Variants in PDE10A observed in about 807,000 individuals in gnomAD.
PDE10A encodes phosphodiesterase 10A.
Under a neutral mutation model 97.7 loss-of-function variants are expected in PDE10A, and 39 were observed. The ratio of observed to expected loss-of-function variants is 0.40; its 90% CI spans 0.31 to 0.52. The LOEUF (loss-of-function observed/expected upper bound fraction) is 0.52. Ranked by LOEUF, PDE10A falls within the 20% of genes least tolerant of loss-of-function variation. The probability of loss-of-function intolerance (pLI) is 0.56; values close to 1 mark genes in which losing one functional copy is unlikely to be tolerated. For missense variants in PDE10A, 731 were observed against 1,047.8 expected (o/e 0.70, Z 4.17); for synonymous variants, 371 against 376.8 (o/e 0.98, Z 0.18).
chr6:165,471,134 TCCTTTC>T (rs1778976150), intron 3 of PDE10A, among the ~76,000 whole-genome samples: 1 of 152,156 alleles, frequency 6.6e-6, no homozygotes, highest in Admixed American at 6.5e-5. Context: ...CTCTCAGTCT[TCCTTTC>T]CCTTAGAACT....
chr6:165,607,873 G>A (rs1196062972), intron 1 of PDE10A, among the ~76,000 whole-genome samples: 3 of 151,848 alleles, frequency 2.0e-5, no homozygotes, highest in Non-Finnish European at 2.9e-5. Flanking sequence ...TGAAATCCCC[G>A]ACAATGTCAA....
In PDE10A at chr6:165,824,493, G is replaced by A. The variant is rs1037186595; in HGVS notation, c.-615+163036C>T. Among the ~76,000 whole-genome samples the A allele has an allele frequency of 5.4e-4, 82 of 152,306 alleles. 4 individuals are homozygous for A. The highest frequency in any genetic ancestry group is 2.1e-4 in the South Asian group (1 of 4,822). On this transcript the variant is annotated intron_variant, in intron 1 of 19. Coordinates refer to the PDE10A transcript ENST00000366882. ...CATAACCTATGTTTACCTCACCATG[G>A]TCTTCTTTGTCCTGATCTTCTAATG...
intron 4 of PDE10A, among the ~76,000 whole-genome samples, chr6:165,449,669 G>A (rs1030177686): frequency 6.6e-6 from 1 of 152,116 alleles, no homozygotes; most frequent in Admixed American, 6.5e-5. Context: ...CAGGTGCCTA[G>A]CATATGGTTA....
At chr6:165,593,693 A>G (rs1171708235) in intron 1 of PDE10A, among the ~76,000 whole-genome samples, 1 of 152,234 alleles carries the variant, frequency 6.6e-6, no homozygotes, top group Non-Finnish European at 1.5e-5. Context: ...TAATAAAAAC[A>G]TTTTATTATA....
chr6:165,521,576 G>A (rs562550723), intron 2 of PDE10A, among the ~76,000 whole-genome samples: 1 of 152,310 alleles, frequency 6.6e-6, no homozygotes, highest in Admixed American at 6.5e-5. Context: ...ATTGCTGATA[G>A]GAGAAAGCTT....
chr6:165,930,919 C>T (rs1051215465), intron 1 of PDE10A, among the ~76,000 whole-genome samples: 2 of 152,200 alleles, frequency 1.3e-5, no homozygotes, highest in Non-Finnish European at 2.9e-5. Flanking sequence ...GGGAAGCCAC[C>T]GTGGTGCTGA....
intron 1 of PDE10A, among the ~76,000 whole-genome samples, chr6:165,600,050 C>T (rs564560140): frequency 1.3e-5 from 2 of 152,268 alleles, no homozygotes; most frequent in South Asian, 2.1e-4. Flanking sequence ...CATCACAGTC[C>T]GACCGGGGAA....
At chr6:165,684,611 C>A (rs7766437) in intron 1 of PDE10A, among the ~76,000 whole-genome samples, 132,559 of 152,236 alleles carry the variant, frequency 0.87, 57,930 homozygotes, top group South Asian at 0.93. Context: ...GCTGCCTCTC[C>A]CCTTACTGTG....
chr6:165,374,248 T>A (rs866850722), intron 18 of PDE10A, among the ~76,000 whole-genome samples: 3 of 151,874 alleles, frequency 2.0e-5, no homozygotes, highest in Non-Finnish European at 2.9e-5. Flanking sequence ...ATAAAAAAAT[T>A]AAATCTATAA....
At chr6:165,554,400 G>C (rs1784153345) in intron 1 of PDE10A, among the ~76,000 whole-genome samples, 1 of 151,988 alleles carries the variant, frequency 6.6e-6, no homozygotes, top group South Asian at 2.1e-4. Flanking sequence ...TGGCAAACAG[G>C]AATATGAAAA....
chr6:165,401,260 C>G (rs144424269), intron 13 of PDE10A, among the ~76,000 whole-genome samples: 2 of 152,120 alleles, frequency 1.3e-5, no homozygotes, highest in Non-Finnish European at 2.9e-5. Context: ...TAAATTTCAG[C>G]AAAAAAGTCA....
intron 18 of PDE10A, among the ~76,000 whole-genome samples, chr6:165,344,885 A>G (rs1306183610): frequency 6.6e-6 from 1 of 152,186 alleles, no homozygotes; most frequent in Non-Finnish European, 1.5e-5. Flanking sequence ...TGTAACCCCA[A>G]ACAGATGCTA....
intron 5 of PDE10A, among the ~76,000 whole-genome samples, chr6:165,445,008 GTTAT>G (rs1013540856): frequency 6.5e-4 from 99 of 152,088 alleles, no homozygotes; most frequent in African/African-American, 2.1e-3. Flanking sequence ...GTGAAATTGA[GTTAT>G]TTAAGACTTT....
chr6:165,474,886 A>T (rs1196154794), intron 3 of PDE10A, among the ~76,000 whole-genome samples: 1 of 152,224 alleles, frequency 6.6e-6, no homozygotes, highest in African/African-American at 2.4e-5. Context: ...CGAGAAAAAG[A>T]GAAAAAAGCA....
chr6:165,614,781 G>T (rs73786667), intron 1 of PDE10A, among the ~76,000 whole-genome samples: 1,721 of 151,720 alleles, frequency 0.011, 31 homozygotes, highest in African/African-American at 0.039. Context: ...AAAATCCTCA[G>T]ACAGTCTCAC....
chr6:165,938,952 T>C (rs1311345497), intron 1 of PDE10A, among the ~76,000 whole-genome samples: 2 of 152,230 alleles, frequency 1.3e-5, no homozygotes, highest in Admixed American at 1.3e-4. Context: ...GCTCTGTTTA[T>C]AGCATCAAAA....
At chr6:165,389,908 A>G (rs1376762283) in intron 16 of PDE10A, among the ~76,000 whole-genome samples, 1 of 152,230 alleles carries the variant, frequency 6.6e-6, no homozygotes, top group Non-Finnish European at 1.5e-5. Context: ...AAAGAACTCT[A>G]TAGGTTAAAT....
chr6:165,763,469 C>T (rs540238217), intron 1 of PDE10A, among the ~76,000 whole-genome samples: 7 of 152,148 alleles, frequency 4.6e-5, no homozygotes, highest in East Asian at 3.9e-4. Context: ...ATTACAGGCG[C>T]CCACCACCAT....
At chr6:165,954,456 CGGG>C (rs1784068316) in intron 1 of PDE10A, among the ~76,000 whole-genome samples, 2 of 152,182 alleles carry the variant, frequency 1.3e-5, no homozygotes, top group Non-Finnish European at 2.9e-5. Flanking sequence ...CGTCTACCTA[CGGG>C]TAAGAAGCCC....
Sources: gnomAD v4.1 joint callset for allele counts (sites outside exome capture counted in the v4.1 genomes callset) on GRCh38, gnomAD v4.1.1 for gene constraint, MANE v1.5 for transcripts, NCBI Gene and HGNC (gene_info 2026-07-23, HGNC 2026-07-21) for gene names.